DAPK3: variants seen among roughly 807,000 people sequenced by gnomAD.
DAPK3 encodes the protein death-associated protein kinase 3.
DAPK3 carries 24 observed loss-of-function variants against 30.6 expected under a neutral mutation model. The ratio of observed to expected loss-of-function variants is 0.78; its 90% CI spans 0.57 to 1.10. The LOEUF is 1.10. Ranked by LOEUF, DAPK3 falls within the 50% of genes least tolerant of loss-of-function variation. The pLI is 0.00. For missense variants in DAPK3, 629 were observed against 657.3 expected (o/e 0.96, Z 0.47); for synonymous variants, 341 against 284.0 (o/e 1.20, Z -2.02).
At chr19:3,970,022 C>G (rs1555683041) in intron 1 of DAPK3, 193 bp from the exon 2 acceptor site, 2 of 434,418 alleles carry the variant, frequency 4.6e-6, no homozygotes, top group Non-Finnish European at 8.2e-6. Flanking sequence ...CATAACCACT[C>G]AAAAGTTTGG....
chr19:3,960,883 G>T, intron 7 of DAPK3, 126 bp downstream of exon 7: 2 of 957,408 alleles, frequency 2.1e-6, no homozygotes, highest in Non-Finnish European at 3.1e-6. Context: ...CAGCCCAAGG[G>T]GTAAGCAATG....
At chr19:3,961,205 C>A (rs1219887234) in intron 6 of DAPK3, 44 bp from the exon 7 acceptor site, 1 of 1,556,622 alleles carries the variant, frequency 6.4e-7, no homozygotes, top group Admixed American at 1.7e-5. Flanking sequence ...TGGGCTCCCA[C>A]CACGGCCGCG....
At chr19:3,960,605 CCT>C (rs1410731750) in intron 7 of DAPK3, among the ~76,000 whole-genome samples, 1 of 151,916 alleles carries the variant, frequency 6.6e-6, no homozygotes, top group Non-Finnish European at 1.5e-5. Flanking sequence ...ATGGTGAAGC[CCT>C]GTCTCTACTA....
chr19:3,965,658 T>TTTTG (rs59184668), intron 2 of DAPK3, among the ~76,000 whole-genome samples: 136,744 of 151,752 alleles, frequency 0.9, 61,778 homozygotes, highest in East Asian at 0.99. Context: ...GATCCGCTTT[T>TTTTG]TTTGTTTTTG....
intron 8 of DAPK3, 33 bp from the exon 9 acceptor site, chr19:3,959,670 G>A (rs775325191): frequency 2.6e-6 from 4 of 1,523,556 alleles, no homozygotes; most frequent in South Asian, 1.2e-5. Context: ...CGGGGTCCCC[G>A]CGATGCCACC....
At chr19:3,963,755 G>A in intron 5 of DAPK3, 86 bp from the exon 6 acceptor site, 1 of 1,280,074 alleles carries the variant, frequency 7.8e-7, no homozygotes. Flanking sequence ...CCTGTTCTAG[G>A]GCAACGGTCC....
In DAPK3 at chr19:3,969,768, C is replaced by T; in HGVS notation, c.-33G>A. ...GGTCCGCCTTCCAGCAGCTTCCACT[C>T]CAGGGAAAGTGCAGTCACCGCAGCC... On this transcript the variant is annotated 5_prime_UTR_variant, in exon 2 of 9. Coordinates refer to ENST00000545797, the MANE Select transcript of DAPK3 (RefSeq NM_001348.3). 6.4e-7 allele frequency: 1 copy of T among 1,567,384 alleles called. No individual in the cohort carries two copies. Among genetic ancestry groups the T allele is most frequent in the Non-Finnish European group, 8.8e-7 (1 of 1,140,458 alleles).
In DAPK3 at chr19:3,964,712, G is replaced by T. The variant is rs202008826; in HGVS notation, c.342C>A (p.Asp114Glu). The change falls in exon 3 of 9, where the codon GAC (aspartate) becomes GAA (glutamate). Residue 114 changes from aspartate to glutamate, a missense_variant. This residue lies in a region of DAPK3 where 306 missense variants were observed against 378.5 expected (regional missense o/e 0.81). Coordinates refer to ENST00000545797, the MANE Select transcript of DAPK3 (RefSeq NM_001348.3). The part of the protein sequence containing the change: ...FLAEKESLTE[D>E]EATQFLKQIL... ...TCTGCTTGAGGAACTGGGTGGCCTC[G>T]TCCTCCGTCAGCGACTCCTTCTCCG... 2 of 1,612,360 alleles carry T rather than the reference G, an allele frequency of 1.2e-6. No homozygotes were observed. The highest frequency in any genetic ancestry group is 4.5e-5 in the East Asian group (2 of 44,754).
chr19:3,963,292 G>A (rs1222926831), intron 6 of DAPK3, among the ~76,000 whole-genome samples: 1 of 152,142 alleles, frequency 6.6e-6, no homozygotes, highest in Non-Finnish European at 1.5e-5. Flanking sequence ...AACAACAGCA[G>A]GCCCACGTGT....
chr19:3,965,011 T>A lies in DAPK3; in HGVS notation c.63-20A>T, dbSNP rs1438708381. On this transcript the variant is annotated intron_variant, in intron 2 of 8. Coordinates refer to ENST00000545797, the MANE Select transcript of DAPK3 (RefSeq NM_001348.3). Reference sequence around the variant, plus strand: ...TGGCCGCTGGAGGAGGGGGAGGGAGTGAGTGGGGGTGGAGGAGGCGGAGGG... The same window carrying A: ...TGGCCGCTGGAGGAGGGGGAGGGAGAGAGTGGGGGTGGAGGAGGCGGAGGG... 4.8e-6 allele frequency: 7 copies of A among 1,446,900 alleles called. No individual in the cohort carries two copies. In the Admixed American group the frequency reaches 5.1e-5, roughly 11 times the overall value. 89.6% of individuals were successfully genotyped at this position (1,446,900 alleles called of 1,614,324 possible). A position where few individuals can be genotyped will look rare whatever the true frequency, so the allele number is the denominator to read the frequency against.
intron 2 of DAPK3, 25 bp from the exon 3 acceptor site, chr19:3,965,016 G>C (rs747005047): frequency 7.1e-7 from 1 of 1,407,724 alleles, no homozygotes; most frequent in Non-Finnish European, 1.0e-6. Flanking sequence ...GGGAGTGAGT[G>C]GGGGTGGAGG....
At chr19:3,962,213 C>A (rs914956386) in intron 6 of DAPK3, among the ~76,000 whole-genome samples, 2 of 152,180 alleles carry the variant, frequency 1.3e-5, no homozygotes, top group African/African-American at 4.8e-5. Context: ...GTGTTCATAA[C>A]GTTCGTGTTC....
At position 3,963,338 on chromosome 19, in the gene DAPK3, C is replaced by T. The variant is rs182112378; in HGVS notation, c.629+305G>A. Among the ~76,000 whole-genome samples, 25 of 152,246 alleles carry T rather than the reference C, an allele frequency of 1.6e-4. No homozygotes were observed. The East Asian group carries it at 3.5e-3, about 21-fold the overall frequency. ...CAGGAGCCAAAACCCAGCGTGGGGT[C>T]GGACCCCTTCCTTGCACTTCGAGAG... On this transcript the variant is annotated intron_variant, in intron 6 of 8. Coordinates refer to ENST00000545797, the MANE Select transcript of DAPK3 (RefSeq NM_001348.3).
intron 2 of DAPK3, among the ~76,000 whole-genome samples, chr19:3,965,232 T>C (rs944665481): frequency 6.6e-6 from 1 of 152,068 alleles, no homozygotes; most frequent in Non-Finnish European, 1.5e-5. Flanking sequence ...CCAGCAGGTG[T>C]GTGGAGGGGA....
intron 6 of DAPK3, among the ~76,000 whole-genome samples, 155 bp downstream of exon 6, chr19:3,963,488 C>T (rs1216965331): frequency 6.6e-6 from 1 of 152,220 alleles, no homozygotes; most frequent in Non-Finnish European, 1.5e-5. Context: ...ACAGCAGCCA[C>T]AGAGAATCAC....
chr19:3,961,630 C>CCGTCTGAT (rs901311667), intron 6 of DAPK3: 7 of 423,384 alleles, frequency 1.7e-5, no homozygotes, highest in East Asian at 1.4e-4. Context: ...CACTGAAGCC[C>CCGTCTGAT]CGTCTGATCG....
At chr19:3,969,547 G>A (rs575278624) in intron 2 of DAPK3, 127 bp downstream of exon 2, 3 of 611,144 alleles carry the variant, frequency 4.9e-6, no homozygotes, top group East Asian at 3.0e-5. Context: ...TTCCCCCACC[G>A]CATGATACTG....
Position 3,964,940 on chromosome 19 carries a change from C to T in DAPK3, c.114G>A (p.Glu38=). Reference sequence around the variant, plus strand: ...GCTTCTTGATGAACTTGGCTGCGTACTCCTTGCCCGTGCCCTTCTGCCGGC... The same window carrying T: ...GCTTCTTGATGAACTTGGCTGCGTATTCCTTGCCCGTGCCCTTCTGCCGGC... The part of the protein sequence containing the change: ...RKCRQKGTGK[E]YAAKFIKKRR... Residue 38 remains glutamate (E), a synonymous_variant, in exon 3 of 9, where the codon GAG becomes GAA. Transcript: ENST00000545797. The T allele has an allele frequency of 1.2e-6, 2 of 1,612,342 alleles. No homozygotes were observed. The highest frequency in any genetic ancestry group is 8.5e-7 in the Non-Finnish European group (1 of 1,178,946).
chr19:3,964,585 C>G (rs759745092), intron 3 of DAPK3, 46 bp downstream of exon 3: 9 of 1,551,910 alleles, frequency 5.8e-6, no homozygotes, highest in South Asian at 2.4e-5. Flanking sequence ...CCCATCCCCA[C>G]CCCCACACTG....
Sources: gnomAD v4.1 joint callset for allele counts (sites outside exome capture counted in the v4.1 genomes callset) on GRCh38, gnomAD v4.1.1 for gene constraint, gnomAD v4.1.1 regional missense constraint, MANE v1.5 for transcripts, NCBI Gene and HGNC (gene_info 2026-07-23, HGNC 2026-07-21) for gene names.